BMPER: variants seen among roughly 807,000 people sequenced by gnomAD.
BMPER encodes BMP binding endothelial regulator.
In BMPER, 45 loss-of-function variants were observed where a neutral mutation model predicts 87.3. The observed-to-expected ratio is 0.52, with a 90% confidence interval of 0.41 to 0.66. BMPER has a LOEUF of 0.66. Ranked by LOEUF, BMPER falls within the 30% of genes least tolerant of loss-of-function variation. BMPER has a pLI of 0.00. For synonymous variants in BMPER, 326 were observed against 316.2 expected, an observed-to-expected ratio of 1.03 and a Z score of -0.33; for missense variants, 784 against 867.5, an observed-to-expected ratio of 0.90 and a Z score of 1.21.
In BMPER at chr7:33,917,165, T is replaced by G. The variant is rs995332077; in HGVS notation, c.219+10262T>G. Among the ~76,000 whole-genome samples the G allele has an allele frequency of 2.6e-5, 4 of 152,118 alleles. No individual in the cohort carries two copies. In the East Asian group the frequency reaches 7.7e-4, roughly 29 times the overall value. ...TTCTGGGGCGATCTGACTTCCACTT[T>G]CAAAAAGTCACAATGAAAAATGTCT... On this transcript the variant is annotated intron_variant, in intron 2 of 14. Coordinates refer to ENST00000649409, the MANE Select transcript of BMPER (RefSeq NM_001365308.1).
chr7:33,919,042 C>G (rs780363005), intron 2 of BMPER, among the ~76,000 whole-genome samples: 1 of 152,088 alleles, frequency 6.6e-6, no homozygotes, highest in African/African-American at 2.4e-5. Flanking sequence ...TCCTTTTCCT[C>G]CATGGGTGCA....
chr7:34,030,250 G>A (rs1787485554), intron 6 of BMPER, among the ~76,000 whole-genome samples: 1 of 152,034 alleles, frequency 6.6e-6, no homozygotes, highest in Non-Finnish European at 1.5e-5. Context: ...TTGCCTCAAG[G>A]AGGAAGAAAC....
chr7:33,905,448 CT>C, upstream of BMPER: 1 of 302,374 alleles, frequency 3.3e-6, no homozygotes, highest in African/African-American at 2.3e-5. Flanking sequence ...TCCCCCCGCC[CT>C]CCCTCACACC....
At position 33,974,777 on chromosome 7, in the gene BMPER, C is replaced by G. The variant is rs1468197616; in HGVS notation, c.569C>G (p.Ser190Cys). Residue 190 changes from serine to cysteine, a missense_variant, in exon 6 of 15, where the codon TCC (serine) becomes TGC (cysteine). By Grantham distance (112) the Ser-to-Cys change is moderately radical. Transcript: ENST00000649409. ...QPEGSKCTKC[S>C]CTGGRTQCVR... is the part of the protein sequence containing the mutation. ...GAAGGAAGCAAATGTACCAAGTGTT[C>G]CTGCACTGTAAGTCCTGCTGTGGAT... 8.1e-6 allele frequency: 13 copies of G among 1,613,844 alleles called. No individual in the cohort carries two copies.
intron 6 of BMPER, among the ~76,000 whole-genome samples, chr7:33,988,331 T>G (rs1786074243): frequency 6.6e-6 from 1 of 152,204 alleles, no homozygotes; most frequent in South Asian, 2.1e-4. Flanking sequence ...TTGAGAATTT[T>G]GGATTTTGTT....
chr7:33,993,379 C>T (rs1165316126), intron 6 of BMPER, among the ~76,000 whole-genome samples: 1 of 152,202 alleles, frequency 6.6e-6, no homozygotes, highest in African/African-American at 2.4e-5. Flanking sequence ...CATCTTCCAT[C>T]ACTGATACCC....
Position 34,128,253 on chromosome 7 carries a change from C to T in BMPER, c.1746-14977C>T, listed in dbSNP as rs143947893. Among the ~76,000 whole-genome samples the T allele has an allele frequency of 1.3e-3, 201 of 152,264 alleles. 1 individual carries two copies. Among genetic ancestry groups the T allele is most frequent in the African/African-American group, 4.4e-3 (183 of 41,556 alleles). ...AGATGTAACTCAAATGATGCCACCT[C>T]CTCAAAATCTTTCCTAACTTCTCAC... is the stretch of plus-strand genomic sequence containing the variant. On this transcript the variant is annotated intron_variant, in intron 13 of 14. Coordinates refer to ENST00000649409, the MANE Select transcript of BMPER (RefSeq NM_001365308.1).
chr7:34,089,760 A>T lies in BMPER; in HGVS notation c.1745+3668A>T, dbSNP rs74657270. Among the ~76,000 whole-genome samples the T allele has an allele frequency of 9.8e-5, 15 of 152,286 alleles. No homozygotes were observed. The East Asian group carries it at 2.9e-3, about 29-fold the overall frequency. On this transcript the variant is annotated intron_variant, in intron 13 of 14. Transcript: ENST00000649409. Reference sequence around the variant, plus strand: ...CAGCCTCCCAAAGTGCTGGGATTACAGGTGTGAGCCACTGTGCCCACCCTG... The same window carrying T: ...CAGCCTCCCAAAGTGCTGGGATTACTGGTGTGAGCCACTGTGCCCACCCTG...
At chr7:34,075,933 A>C (rs562725688) in intron 11 of BMPER, among the ~76,000 whole-genome samples, 81 of 152,346 alleles carry the variant, frequency 5.3e-4, no homozygotes, top group African/African-American at 1.9e-3. Flanking sequence ...CCAAGGTTTC[A>C]AAATTATTTT....
chr7:33,956,416 T>A (rs934312902), intron 3 of BMPER, among the ~76,000 whole-genome samples: 4 of 152,156 alleles, frequency 2.6e-5, no homozygotes, highest in Non-Finnish European at 5.9e-5. Context: ...AAAACTACAA[T>A]AAAATATTAA....
intron 2 of BMPER, among the ~76,000 whole-genome samples, chr7:33,914,560 G>A (rs868858860): frequency 2.6e-5 from 4 of 152,168 alleles, no homozygotes; most frequent in Non-Finnish European, 4.4e-5. Context: ...AGGTAGAAAC[G>A]CCATGTAGGC....
chr7:33,980,280 G>A (rs1476840184), intron 6 of BMPER, among the ~76,000 whole-genome samples: 1 of 152,190 alleles, frequency 6.6e-6, no homozygotes, highest in African/African-American at 2.4e-5. Context: ...GTTCCATATA[G>A]CGGTCTGAGT....
intron 6 of BMPER, among the ~76,000 whole-genome samples, chr7:33,996,389 G>T (rs1309237086): frequency 6.6e-6 from 1 of 152,086 alleles, no homozygotes; most frequent in African/African-American, 2.4e-5. Context: ...CACTCTTTAG[G>T]ACACTCACTT....
chr7:34,058,028 T>TGGAG, intron 9 of BMPER, 31 bp from the exon 10 acceptor site: 3 of 1,587,196 alleles, frequency 1.9e-6, no homozygotes, highest in Non-Finnish European at 2.6e-6. Context: ...AGCCTCCAGC[T>TGGAG]GCTGACAGGA....
At chr7:34,083,358 A>T (rs929738679) in intron 12 of BMPER, among the ~76,000 whole-genome samples, 1 of 152,118 alleles carries the variant, frequency 6.6e-6, no homozygotes, top group African/African-American at 2.4e-5. Flanking sequence ...TCCTTATCAA[A>T]TTATTCCCCA....
chr7:33,932,895 A>G (rs1326268841), intron 2 of BMPER, among the ~76,000 whole-genome samples: 1 of 152,156 alleles, frequency 6.6e-6, no homozygotes, highest in East Asian at 1.9e-4. Context: ...GCACACGAGA[A>G]CGTTTCACAG....
At chr7:33,930,983 C>G (rs1784466361) in intron 2 of BMPER, among the ~76,000 whole-genome samples, 1 of 152,098 alleles carries the variant, frequency 6.6e-6, no homozygotes, top group African/African-American at 2.4e-5. Context: ...CCCTTTGGGT[C>G]TTTGGTTGCT....
chr7:34,024,583 T>A (rs1787307910), intron 6 of BMPER, among the ~76,000 whole-genome samples: 3 of 150,950 alleles, frequency 2.0e-5, no homozygotes, highest in African/African-American at 7.3e-5. Flanking sequence ...CTGTTTCTTC[T>A]GATGTCTTTC....
chr7:34,061,901 G>A (rs1788444730), intron 10 of BMPER, 101 bp from the exon 11 acceptor site: 4 of 991,464 alleles, frequency 4.0e-6, no homozygotes, highest in Admixed American at 2.4e-5. Flanking sequence ...GATTTCATTG[G>A]TTTATCTTGT....
Sources: allele counts gnomAD v4.1 joint callset (sites outside exome capture counted in the v4.1 genomes callset), GRCh38; gene constraint gnomAD v4.1.1; transcripts MANE v1.5; gene names NCBI Gene and HGNC (gene_info 2026-07-23, HGNC 2026-07-21).